The following DOCK7 variants were observed in gnomAD, a reference collection of about 807,000 sequenced individuals.
DOCK7 encodes dedicator of cytokinesis 7, also known as dedicator of cytokinesis protein 7.
DOCK7 carries 138 observed loss-of-function variants against 271.0 expected under a neutral mutation model. The observed-to-expected ratio is 0.51, with a 90% CI of 0.44 to 0.59. The LOEUF (loss-of-function observed/expected upper bound fraction) is 0.59, where lower values mean the gene tolerates loss of function less well. DOCK7 is among the 20% of genes least tolerant of loss of function. DOCK7 has a pLI of 0.00. For synonymous variants in DOCK7, 823 were observed against 876.1 expected (o/e 0.94, Z 1.07); for missense variants, 2,066 against 2,592.4 (o/e 0.80, Z 4.41).
intron 12 of DOCK7, among the ~76,000 whole-genome samples, chr1:62,622,596 G>A (rs1318898561): frequency 2.0e-5 from 3 of 151,984 alleles, no homozygotes; most frequent in Non-Finnish European, 2.9e-5. Context: ...TGGGACTACA[G>A]GTATACACCA....
At chr1:62,665,062 C>T (rs1659133676) in intron 1 of DOCK7, among the ~76,000 whole-genome samples, 1 of 152,186 alleles carries the variant, frequency 6.6e-6, no homozygotes, top group Admixed American at 6.5e-5. Flanking sequence ...TCTCGGCTCA[C>T]CAAAACCTCC....
chr1:62,617,353 C>G (rs973856166), intron 14 of DOCK7, among the ~76,000 whole-genome samples: 1 of 151,874 alleles, frequency 6.6e-6, no homozygotes, highest in African/African-American at 2.4e-5. Flanking sequence ...AATAGAAGCA[C>G]TGGAGAATTT....
chr1:62,550,887 A>G (rs140010505), intron 22 of DOCK7, among the ~76,000 whole-genome samples: 18 of 151,858 alleles, frequency 1.2e-4, no homozygotes, highest in African/African-American at 4.3e-4. Context: ...TGCCTGGCTA[A>G]TTTTTGTATT....
Position 62,539,823 on chromosome 1 carries a change from C to T in DOCK7, c.3115G>A (p.Glu1039Lys). The change falls in exon 26 of 50, where the codon GAA becomes AAA. Residue 1039 changes from glutamate (E) to lysine (K), a missense_variant. Glu to Lys is a moderately conservative substitution (Grantham distance 56, BLOSUM62 1). This residue lies in a region of DOCK7 where 1,414 missense variants were observed against 1,670.4 expected (regional missense o/e 0.85). Coordinates refer to ENST00000635253, the MANE Select transcript of DOCK7 (RefSeq NM_001367561.1). ...LEAPRKSRFPERFMDDIAALV... is the reference protein window; with the variant it reads ...LEAPRKSRFPKRFMDDIAALV... Reference sequence around the variant, plus strand: ...GCTGCAATGTCATCCATGAAACGTTCTGGAAAACGACTTTTCCTTGGAGCC... The same window carrying T: ...GCTGCAATGTCATCCATGAAACGTTTTGGAAAACGACTTTTCCTTGGAGCC... The T allele has an allele frequency of 1.2e-6, 2 of 1,613,756 alleles. No homozygotes were observed. The highest frequency in any genetic ancestry group is 1.7e-6 in the Non-Finnish European group (2 of 1,179,864).
intron 11 of DOCK7, among the ~76,000 whole-genome samples, chr1:62,626,684 T>C (rs1200665173): frequency 6.6e-6 from 1 of 152,032 alleles, no homozygotes; most frequent in African/African-American, 2.4e-5. Flanking sequence ...TCAAAGTATT[T>C]ATATTAAAAC....
At chr1:62,536,295 T>A (rs1645344315) in intron 28 of DOCK7, among the ~76,000 whole-genome samples, 1 of 152,180 alleles carries the variant, frequency 6.6e-6, no homozygotes, top group Admixed American at 6.5e-5. Flanking sequence ...GATGTCTCTG[T>A]TATCTGAAAG....
At chr1:62,655,538 C>A (rs943205051) in intron 2 of DOCK7, among the ~76,000 whole-genome samples, 3 of 151,892 alleles carry the variant, frequency 2.0e-5, no homozygotes, top group Non-Finnish European at 4.4e-5. Flanking sequence ...GATTCTCCCA[C>A]CTCAGCCTCC....
At chr1:62,643,663 T>C (rs1487807706) in intron 7 of DOCK7, among the ~76,000 whole-genome samples, 1 of 152,230 alleles carries the variant, frequency 6.6e-6, no homozygotes, top group Non-Finnish European at 1.5e-5. Context: ...ACTACTATGT[T>C]TCATAAATTC....
intron 29 of DOCK7, among the ~76,000 whole-genome samples, chr1:62,532,195 C>CA (rs1228705292): frequency 6.6e-6 from 1 of 152,008 alleles, no homozygotes; most frequent in Non-Finnish European, 1.5e-5. Flanking sequence ...CCACCATGCC[C>CA]AAGTAATTTT....
chr1:62,527,965 T>G (rs932631914), intron 31 of DOCK7, among the ~76,000 whole-genome samples, 186 bp downstream of exon 31: 1 of 152,060 alleles, frequency 6.6e-6, no homozygotes, highest in African/African-American at 2.4e-5. Flanking sequence ...CCATAAACCT[T>G]GAGGTAATCA....
chr1:62,491,865 C>CA (rs1039071093), intron 41 of DOCK7, among the ~76,000 whole-genome samples: 3 of 151,620 alleles, frequency 2.0e-5, no homozygotes, highest in South Asian at 2.1e-4. Flanking sequence ...TTTTATTAAC[C>CA]AAAAAAAATC....
At position 62,542,673 on chromosome 1, in the gene DOCK7, C is replaced by T. The variant is rs1303930877; in HGVS notation, c.2980G>A (p.Val994Ile). The change falls in exon 25 of 50, where the codon GTT becomes ATT. Residue 994 changes from valine to isoleucine, a missense_variant. By Grantham distance (29) the Val-to-Ile change is conservative. Around this residue, in one of 2 missense-constraint regions of DOCK7, gnomAD observed 1,414 missense variants for 1,670.4 expected, o/e 0.85. Coordinates refer to ENST00000635253, the MANE Select transcript of DOCK7 (RefSeq NM_001367561.1). ...LFHEELALQW[V>I]VCSGSVRESA... ...TCCCGAACGCTGCCACTGCAAACAA[C>T]CCACTGCAAAGCCAGCTCCTCGTGA... 1 of 1,613,206 alleles carries T rather than the reference C, an allele frequency of 6.2e-7. No individual in the cohort carries two copies.
intron 18 of DOCK7, among the ~76,000 whole-genome samples, chr1:62,563,486 A>G (rs567491819): frequency 2.0e-5 from 3 of 152,316 alleles, no homozygotes; most frequent in South Asian, 4.1e-4. Context: ...AAAAGCAATT[A>G]TGAATGTCTT....
chr1:62,536,156 T>A (rs1377932696), intron 28 of DOCK7, among the ~76,000 whole-genome samples: 1 of 152,156 alleles, frequency 6.6e-6, no homozygotes. Context: ...TATAGCATTC[T>A]CCAAGATACA....
chr1:62,664,150 G>C (rs1300202472), intron 1 of DOCK7, among the ~76,000 whole-genome samples: 4 of 152,190 alleles, frequency 2.6e-5, no homozygotes, highest in African/African-American at 9.6e-5. Flanking sequence ...AAAAAGACCA[G>C]TGGTTGTCAG....
At chr1:62,663,539 A>C (rs1206911539) in intron 1 of DOCK7, among the ~76,000 whole-genome samples, 1 of 152,182 alleles carries the variant, frequency 6.6e-6, no homozygotes, top group Non-Finnish European at 1.5e-5. Context: ...ACTTTAAAGT[A>C]TAAGAATTAG....
chr1:62,626,201 GAAC>G (rs1419593989), intron 11 of DOCK7, among the ~76,000 whole-genome samples: 3 of 152,050 alleles, frequency 2.0e-5, no homozygotes, highest in Non-Finnish European at 1.5e-5. Context: ...GAAAATGCAA[GAAC>G]AACATACCAA....
intron 43 of DOCK7, chr1:62,481,445 A>C (rs1458371161): frequency 1.3e-5 from 2 of 152,210 alleles, no homozygotes; most frequent in Non-Finnish European, 2.9e-5. Flanking sequence ...TCACGGAAGC[A>C]CAGTCATATT....
Position 62,633,690 on chromosome 1 carries a change from A to G in DOCK7, c.1036-112T>C, listed in dbSNP as rs939319803. On this transcript the variant is annotated intron_variant, in intron 9 of 49. Transcript: ENST00000635253. ...TTAACAGAATGACAGAAAAAAATAT[A>G]TGACATCTCAATTGCTGTAGAACAA... 5 of 702,724 alleles carry G rather than the reference A, an allele frequency of 7.1e-6. No individual in the cohort carries two copies. In the African/African-American group the frequency reaches 7.1e-5, roughly 10 times the overall value. The allele number at this position is 702,724 out of a possible 1,614,324, so 43.5% of individuals were successfully genotyped here.
Sources: allele counts gnomAD v4.1 joint callset (sites outside exome capture counted in the v4.1 genomes callset), GRCh38; gene constraint gnomAD v4.1.1; regional missense constraint gnomAD v4.1.1; transcripts MANE v1.5; gene names NCBI Gene and HGNC (gene_info 2026-07-23, HGNC 2026-07-21).